The following PKHD1 variants were observed in gnomAD, a reference collection of about 807,000 sequenced individuals.
PKHD1 encodes the protein PKHD1 ciliary IPT domain containing fibrocystin/polyductin, also known as fibrocystin.
In PKHD1, 291 loss-of-function variants were observed where a neutral mutation model predicts 412.0. That is an observed-to-expected ratio of 0.71 (90% CI 0.64 to 0.78). The LOEUF (loss-of-function observed/expected upper bound fraction) is 0.78. PKHD1 is among the 30% of genes least tolerant of loss of function. PKHD1 has a pLI of 0.00. For missense variants in PKHD1, 4,825 were observed against 4,950.7 expected (o/e 0.97, Z 0.76); for synonymous variants, 1,777 against 1,821.5 (o/e 0.98, Z 0.62).
intron 60 of PKHD1, among the ~76,000 whole-genome samples, chr6:51,710,472 G>A (rs533194009): frequency 7.3e-5 from 11 of 151,592 alleles, no homozygotes; most frequent in African/African-American, 2.2e-4. Context: ...GAATCTTCAC[G>A]TCTCAGATTC....
intron 41 of PKHD1, 53 bp downstream of exon 41, chr6:51,906,162 A>G: frequency 6.5e-7 from 1 of 1,528,216 alleles, no homozygotes; most frequent in Non-Finnish European, 9.1e-7. Context: ...TTCATTGTGA[A>G]AAACTGTGTC....
At chr6:52,062,871 G>A (rs1808893550) in intron 13 of PKHD1, among the ~76,000 whole-genome samples, 1 of 148,302 alleles carries the variant, frequency 6.7e-6, no homozygotes, top group Non-Finnish European at 1.5e-5. Context: ...CATGGGTTAG[G>A]AGTTAGCCTT....
At chr6:51,647,507 A>G (rs2150361230) in intron 63 of PKHD1, among the ~76,000 whole-genome samples, 1 of 152,322 alleles carries the variant, frequency 6.6e-6, no homozygotes, top group African/African-American at 2.4e-5. Flanking sequence ...AAGAGGGTAG[A>G]CAAACATAAG....
intron 43 of PKHD1, among the ~76,000 whole-genome samples, chr6:51,897,238 G>A (rs4294002): frequency 0.08 from 12,107 of 151,194 alleles, 838 homozygotes; most frequent in African/African-American, 0.19. Context: ...GAAATGAAGG[G>A]AAAAATGTTA....
Position 51,627,642 on chromosome 6 carries a change from A to C in PKHD1, c.11666-526T>G, listed in dbSNP as rs562327814. Among the ~76,000 whole-genome samples the C allele has an allele frequency of 2.6e-5, 4 of 152,166 alleles. No individual in the cohort carries two copies. The East Asian group carries it at 7.7e-4, about 29-fold the overall frequency. ...AGTATTGATTCACAGGCAGTTGTCAAGAAATATACAGGGAGGATTCAAGCA... is the reference window on the plus strand; with the variant it reads ...AGTATTGATTCACAGGCAGTTGTCACGAAATATACAGGGAGGATTCAAGCA... On this transcript the variant is annotated intron_variant, in intron 65 of 66. Transcript: ENST00000371117.
Position 51,855,906 on chromosome 6 carries a change from T to A in PKHD1, c.7898A>T (p.Asn2633Ile). Residue 2633 changes from asparagine (N) to isoleucine (I), a missense_variant, in exon 49 of 67, where the codon AAC (asparagine) becomes ATC (isoleucine). Coordinates refer to ENST00000371117, the MANE Select transcript of PKHD1 (RefSeq NM_138694.4). The stretch of plus-strand genomic sequence containing the variant: ...TCCTTGGGTTACCTGCAGAGATCTG[T>A]TGATCCAAAGGTTCTCAGATTGCAA... ...YSLQSENLWI[N>I]RSLQYSATFD... The A allele has an allele frequency of 6.2e-7, 1 of 1,613,458 alleles. No individual in the cohort carries two copies. Among genetic ancestry groups the A allele is most frequent in the South Asian group, 1.1e-5 (1 of 91,068 alleles).
intron 60 of PKHD1, among the ~76,000 whole-genome samples, chr6:51,661,335 A>G (rs1405432733): frequency 6.6e-6 from 1 of 152,252 alleles, no homozygotes; most frequent in East Asian, 1.9e-4. Context: ...TCATAGCTCC[A>G]TAATAGAAAT....
chr6:52,018,190 TTCTC>T lies in PKHD1; in HGVS notation c.5381-565_5381-562del, dbSNP rs201404694. On this transcript the variant is annotated intron_variant, in intron 33 of 66. Transcript: ENST00000371117. ...GAAACTACCACAATAAATTTATCTA[TTCTC>T]TTATCAATGAACTTTTTGGTATTTC... Among the ~76,000 whole-genome samples the T allele has an allele frequency of 6.2e-3, 951 of 152,332 alleles. 16 individuals carry two copies. Among genetic ancestry groups the T allele is most frequent in the African/African-American group, 0.021 (882 of 41,572 alleles).
chr6:51,742,746 A>T (rs1045307361), intron 60 of PKHD1, among the ~76,000 whole-genome samples: 2 of 152,224 alleles, frequency 1.3e-5, no homozygotes, highest in Non-Finnish European at 2.9e-5. Flanking sequence ...AAAAGGATAA[A>T]CAGTACATTA....
At chr6:51,981,903 A>G (rs1795380665) in intron 35 of PKHD1, among the ~76,000 whole-genome samples, 1 of 89,114 alleles carries the variant, frequency 1.1e-5, no homozygotes, top group Non-Finnish European at 2.8e-5. Flanking sequence ...CTTCCCATCT[A>G]GGAAGTGAGG....
intron 49 of PKHD1, among the ~76,000 whole-genome samples, chr6:51,853,148 T>C (rs1300459411): frequency 6.6e-6 from 1 of 152,234 alleles, no homozygotes; most frequent in Non-Finnish European, 1.5e-5. Flanking sequence ...AAAGATTTTA[T>C]TTTTCTTTTG....
intron 27 of PKHD1, among the ~76,000 whole-genome samples, chr6:52,042,519 C>T (rs1293317943): frequency 6.6e-6 from 1 of 152,142 alleles, no homozygotes; most frequent in Non-Finnish European, 1.5e-5. Context: ...ACCCACCACC[C>T]TCTGTATTGC....
chr6:51,667,975 C>T (rs539378864), intron 60 of PKHD1, among the ~76,000 whole-genome samples: 18 of 152,094 alleles, frequency 1.2e-4, no homozygotes, highest in East Asian at 3.9e-4. Flanking sequence ...GAAGTCAGGT[C>T]GCGTGATGCC....
intron 53 of PKHD1, among the ~76,000 whole-genome samples, chr6:51,780,961 A>G (rs1186619247): frequency 6.6e-6 from 1 of 152,214 alleles, no homozygotes; most frequent in East Asian, 1.9e-4. Flanking sequence ...TCACGACTGC[A>G]CATGAAAGAT....
chr6:51,724,678 G>A (rs373401786), intron 60 of PKHD1, among the ~76,000 whole-genome samples: 4 of 152,146 alleles, frequency 2.6e-5, no homozygotes, highest in Non-Finnish European at 5.9e-5. Flanking sequence ...CTAAACATCA[G>A]TATCTATGAA....
chr6:51,933,480 G>C (rs1480555709), intron 37 of PKHD1, among the ~76,000 whole-genome samples: 3 of 152,194 alleles, frequency 2.0e-5, no homozygotes, highest in African/African-American at 4.8e-5. Context: ...TGCATGTTGA[G>C]AGACATCAGT....
At chr6:52,052,739 G>A (rs1807062539) in intron 21 of PKHD1, among the ~76,000 whole-genome samples, 1 of 152,106 alleles carries the variant, frequency 6.6e-6, no homozygotes, top group Non-Finnish European at 1.5e-5. Flanking sequence ...TTAAACTTTA[G>A]TTAATCTTCA....
intron 11 of PKHD1, 91 bp downstream of exon 11, chr6:52,069,366 G>A: frequency 1.1e-6 from 1 of 898,694 alleles, no homozygotes; most frequent in Non-Finnish European, 1.9e-6. Flanking sequence ...GGGTGTTAAT[G>A]GTCATCAAGA....
At chr6:51,637,558 G>A (rs1405191131) in intron 64 of PKHD1, among the ~76,000 whole-genome samples, 1 of 151,756 alleles carries the variant, frequency 6.6e-6, no homozygotes, top group Non-Finnish European at 1.5e-5. Context: ...TGATCATATA[G>A]CCAGGGAGCA....
Sources: gnomAD v4.1 joint callset for allele counts (sites outside exome capture counted in the v4.1 genomes callset) on GRCh38, gnomAD v4.1.1 for gene constraint, MANE v1.5 for transcripts, NCBI Gene and HGNC (gene_info 2026-07-23, HGNC 2026-07-21) for gene names.